Variants in ATP2B1 observed in about 807,000 individuals in gnomAD.
The protein encoded by ATP2B1 is ATPase plasma membrane Ca2+ transporting 1.
In ATP2B1, 14 loss-of-function variants were observed where a neutral mutation model predicts 124.2. That is an observed-to-expected ratio of 0.11 (90% CI 0.07 to 0.18). The LOEUF (loss-of-function observed/expected upper bound fraction) is 0.18. ATP2B1 is among the 10% of genes least tolerant of loss of function. The pLI is 1.00. For synonymous variants in ATP2B1, 449 were observed against 492.4 expected, an observed-to-expected ratio of 0.91 and a Z score of 1.17; for missense variants, 763 against 1,466.1, an observed-to-expected ratio of 0.52 and a Z score of 7.83.
intron 1 of ATP2B1, among the ~76,000 whole-genome samples, chr12:89,662,872 T>C (rs1464588310): frequency 6.6e-6 from 1 of 152,114 alleles, no homozygotes; most frequent in Non-Finnish European, 1.5e-5. Context: ...GTTATAAACT[T>C]GGCATGAACA....
intron 1 of ATP2B1, among the ~76,000 whole-genome samples, chr12:89,676,579 T>C (rs1275708288): frequency 6.6e-6 from 1 of 152,132 alleles, no homozygotes; most frequent in Non-Finnish European, 1.5e-5. Context: ...CCCAGCTATA[T>C]TACAATTTTT....
At chr12:89,598,039 C>CAAAAAAAAAAAAAAAAAA (rs10661138) in intron 20 of ATP2B1, among the ~76,000 whole-genome samples, 8 of 60,546 alleles carry the variant, frequency 1.3e-4, no homozygotes, top group Admixed American at 5.5e-4. Flanking sequence ...CACAACCAAG[C>CAAAAAAAAAAAAAAAAAA]AAAAAAAAAA....
chr12:89,692,111 C>CT (rs1213061259), intron 1 of ATP2B1, among the ~76,000 whole-genome samples: 1 of 151,992 alleles, frequency 6.6e-6, no homozygotes, highest in African/African-American at 2.4e-5. Flanking sequence ...AACCTATACA[C>CT]TTTAAGTTTC....
intron 3 of ATP2B1, among the ~76,000 whole-genome samples, chr12:89,635,478 A>AC (rs1367959467): frequency 6.6e-6 from 1 of 152,204 alleles, no homozygotes; most frequent in Non-Finnish European, 1.5e-5. Flanking sequence ...TAGGTAGGGT[A>AC]CTAGTTAAGA....
At chr12:89,660,010 TAAGAA>T (rs1351431347) in intron 1 of ATP2B1, among the ~76,000 whole-genome samples, 1 of 149,668 alleles carries the variant, frequency 6.7e-6, no homozygotes, top group African/African-American at 2.5e-5. Context: ...TAAATAAATA[TAAGAA>T]AATAGCAAAG....
chr12:89,707,102 T>A (rs1046324516), intron 1 of ATP2B1, among the ~76,000 whole-genome samples: 4 of 151,926 alleles, frequency 2.6e-5, no homozygotes, highest in African/African-American at 7.3e-5. Context: ...AGGACCCAAA[T>A]GAAACGCACA....
In ATP2B1 at chr12:89,609,979, A is replaced by G. The variant is rs781535192; in HGVS notation, c.2400T>C (p.Asn800=). The G allele has an allele frequency of 1.2e-5, 19 of 1,613,644 alleles. No homozygotes were observed. The highest frequency in any genetic ancestry group is 1.5e-5 in the Non-Finnish European group (18 of 1,179,782). ...CTGCTTTCTTTAGTGCTGGGCCATC[A>G]TTTGTACCATCACCAGTTACAGCTA... ...QVVAVTGDGT[N]DGPALKKADV... is the part of the protein sequence containing the mutation. Residue 800 remains asparagine, a synonymous_variant, in exon 15 of 21, where the codon AAT becomes AAC. Transcript: ENST00000428670.
intron 1 of ATP2B1, among the ~76,000 whole-genome samples, chr12:89,661,104 A>G (rs1366626277): frequency 6.6e-6 from 1 of 152,180 alleles, no homozygotes; most frequent in African/African-American, 2.4e-5. Flanking sequence ...TGAGAATACA[A>G]AGTTTTAAGT....
intron 1 of ATP2B1, among the ~76,000 whole-genome samples, chr12:89,679,758 A>G (rs1248383456): frequency 2.0e-5 from 3 of 152,180 alleles, no homozygotes; most frequent in Admixed American, 1.3e-4. Flanking sequence ...AAGTACAGAC[A>G]AAATCACCCA....
At chr12:89,637,442 C>A (rs1882877788) in intron 3 of ATP2B1, among the ~76,000 whole-genome samples, 1 of 150,560 alleles carries the variant, frequency 6.6e-6, no homozygotes, top group African/African-American at 2.4e-5. Context: ...GACAGAGTCT[C>A]ACTTTGTTGC....
chr12:89,619,949 A>G, intron 11 of ATP2B1, 50 bp downstream of exon 11: 2 of 1,599,668 alleles, frequency 1.3e-6, no homozygotes, highest in Non-Finnish European at 8.5e-7. Context: ...TAGATACTCC[A>G]TAAAGCAACT....
Position 89,635,142 on chromosome 12 carries a change from G to A in ATP2B1, c.516C>T (p.Phe172=), listed in dbSNP as rs1882480981. 1.2e-6 allele frequency: 2 copies of A among 1,613,722 alleles called. No homozygotes were observed. Among genetic ancestry groups the A allele is most frequent in the South Asian group, 2.2e-5 (2 of 91,086 alleles). The part of the protein sequence containing the change: ...SVVCVVLVTA[F]NDWSKEKQFR... Reference sequence around the variant, plus strand: ...ACTGTTTTTCCTTACTCCAGTCATTGAAAGCTGTTACTAACACCACACACA... The same window carrying A: ...ACTGTTTTTCCTTACTCCAGTCATTAAAAGCTGTTACTAACACCACACACA... The change falls in exon 4 of 21, where the codon TTC becomes TTT. Residue 172 remains phenylalanine, a synonymous_variant. Transcript: ENST00000428670.
chr12:89,675,272 A>G lies in ATP2B1; in HGVS notation c.-221-19165T>C, dbSNP rs191868084. On this transcript the variant is annotated intron_variant, in intron 1 of 20. Transcript: ENST00000428670. ...ATTAAAAATGAACTAGAAAACCTCC[A>G]TTTGTTCTAGCAATAAGCTTATACT... 2.0e-3 allele frequency among the ~76,000 whole-genome samples: 306 copies of G among 152,312 alleles called. 2 individuals are homozygous for G. The highest frequency in any genetic ancestry group is 6.7e-3 in the African/African-American group (279 of 41,582).
intron 3 of ATP2B1, among the ~76,000 whole-genome samples, chr12:89,639,843 T>C (rs1246343040): frequency 6.6e-6 from 1 of 152,152 alleles, no homozygotes; most frequent in Non-Finnish European, 1.5e-5. Context: ...TTGCTGGTAA[T>C]AAACTCCACT....
chr12:89,708,493 G>C (rs1004240211), intron 1 of ATP2B1, 103 bp downstream of exon 1: 3 of 152,094 alleles, frequency 2.0e-5, no homozygotes, highest in African/African-American at 7.2e-5. Context: ...CCAGCTATCA[G>C]GATCCCCGCC....
intron 8 of ATP2B1, among the ~76,000 whole-genome samples, chr12:89,625,466 C>G (rs999677211): frequency 1.3e-5 from 2 of 151,544 alleles, no homozygotes; most frequent in Non-Finnish European, 2.9e-5. Flanking sequence ...CATCTGTAGT[C>G]CCAGCTACTT....
In ATP2B1 at chr12:89,627,636, A is replaced by G. The variant is rs778075345; in HGVS notation, c.967+42T>C. On this transcript the variant is annotated intron_variant, in intron 7 of 20. Transcript: ENST00000428670. The stretch of plus-strand genomic sequence containing the variant: ...TGGTATACAGTAGATTTTTGGATAT[A>G]ATGAAAACAAGCTCACTGTACTTTT... The G allele has an allele frequency of 1.9e-6, 3 of 1,599,508 alleles. No homozygotes were observed. In the South Asian group the frequency reaches 3.3e-5, roughly 18 times the overall value.
rs566670131 is a variant in ATP2B1 at position 89,646,295 on chromosome 12, C to T, written c.209-3940G>A. Among the ~76,000 whole-genome samples the T allele has an allele frequency of 3.9e-5, 6 of 152,200 alleles. No homozygotes were observed. The South Asian group carries it at 1.0e-3, about 26-fold the overall frequency. On this transcript the variant is annotated intron_variant, in intron 2 of 20. Transcript: ENST00000428670. ...CCATATTGAGAACTCAAGGAGAAGT[C>T]TGAGCCAGAGTCATCAATATACAGA...
chr12:89,621,421 TA>T, intron 10 of ATP2B1, 127 bp downstream of exon 10: 1 of 676,964 alleles, frequency 1.5e-6, no homozygotes, highest in Non-Finnish European at 2.2e-6. Flanking sequence ...ATTATATAAA[TA>T]AATATATGCC....
Sources: allele counts gnomAD v4.1 joint callset (sites outside exome capture counted in the v4.1 genomes callset), GRCh38; gene constraint gnomAD v4.1.1; transcripts MANE v1.5; gene names NCBI Gene and HGNC (gene_info 2026-07-23, HGNC 2026-07-21).